The following ABCA1 variants were observed in gnomAD, a reference collection of about 807,000 sequenced individuals.
ABCA1 encodes phospholipid-transporting ATPase ABCA1.
A neutral mutation model predicts 262.5 loss-of-function variants in ABCA1; 133 were observed. That is an observed-to-expected ratio of 0.51 (90% confidence interval 0.44 to 0.59). The LOEUF is 0.59. Ranked by LOEUF, ABCA1 falls within the 20% of genes least tolerant of loss-of-function variation. The probability of loss-of-function intolerance (pLI) is 0.00; values close to 1 mark genes in which losing one functional copy is unlikely to be tolerated. For missense variants in ABCA1, 2,452 were observed against 2,777.5 expected (o/e 0.88, Z 2.63); for synonymous variants, 1,022 against 1,043.5 (o/e 0.98, Z 0.40).
intron 46 of ABCA1, 176 bp downstream of exon 46, chr9:104,787,744 C>G: frequency 1.2e-6 from 1 of 801,556 alleles, no homozygotes; most frequent in Non-Finnish European, 1.5e-6. Context: ...AGGCATGGTA[C>G]AGCCACCCCA....
chr9:104,825,251 T>C (rs147379236), intron 17 of ABCA1, among the ~76,000 whole-genome samples: 17 of 152,260 alleles, frequency 1.1e-4, no homozygotes, highest in African/African-American at 4.1e-4. Context: ...CAGAATTGGG[T>C]GAGCATTGGG....
At chr9:104,851,187 T>C (rs1835343182) in intron 7 of ABCA1, among the ~76,000 whole-genome samples, 1 of 152,184 alleles carries the variant, frequency 6.6e-6, no homozygotes, top group Non-Finnish European at 1.5e-5. Flanking sequence ...TTATATTCTT[T>C]CCATCCTCAT....
At chr9:104,790,536 G>A (rs1328877707) in intron 44 of ABCA1, among the ~76,000 whole-genome samples, 2 of 152,164 alleles carry the variant, frequency 1.3e-5, no homozygotes, top group East Asian at 3.8e-4. Context: ...GATCTCAATT[G>A]TATGGCACAT....
intron 7 of ABCA1, among the ~76,000 whole-genome samples, chr9:104,854,987 T>G (rs970652800): frequency 4.6e-5 from 7 of 152,204 alleles, no homozygotes; most frequent in African/African-American, 1.7e-4. Context: ...TGGAAACTGC[T>G]CTTAACCCCA....
chr9:104,832,904 T>C (rs534849959), intron 11 of ABCA1, 133 bp from the exon 12 acceptor site: 4 of 826,074 alleles, frequency 4.8e-6, no homozygotes, highest in African/African-American at 1.7e-5. Context: ...AATGACAGTG[T>C]CCCTATTTTA....
chr9:104,828,268 AGAGGGCT>A lies in ABCA1; in HGVS notation c.2115+641_2115+647del, dbSNP rs576800968. Among the ~76,000 whole-genome samples the A allele has an allele frequency of 3.8e-3, 578 of 152,284 alleles. 7 individuals carry two copies. Among genetic ancestry groups the A allele is most frequent in the African/African-American group, 0.014 (562 of 41,576 alleles). On this transcript the variant is annotated intron_variant, in intron 15 of 49. Coordinates refer to ENST00000374736, the MANE Select transcript of ABCA1 (RefSeq NM_005502.4). Reference sequence around the variant, plus strand: ...GCAGCCCACATCCAGTGATTGATTGAGAGGGCTGAGGTAGGTGGTGTCAGGAGGGAGG... The same window carrying A: ...GCAGCCCACATCCAGTGATTGATTGAGAGGTAGGTGGTGTCAGGAGGGAGG...
intron 34 of ABCA1, 42 bp from the exon 35 acceptor site, chr9:104,800,626 T>C (rs375223911): frequency 2.9e-5 from 45 of 1,575,814 alleles, no homozygotes; most frequent in Middle Eastern, 3.3e-4. Flanking sequence ...ACTGTTCACA[T>C]AGATAAGGGG....
intron 5 of ABCA1, among the ~76,000 whole-genome samples, chr9:104,876,772 G>C (rs1054261181): frequency 6.6e-6 from 1 of 152,252 alleles, no homozygotes; most frequent in Middle Eastern, 3.4e-3. Context: ...CACCAGAGAG[G>C]GGGCACAGCG....
chr9:104,823,257 T>C (rs138131385), intron 18 of ABCA1, among the ~76,000 whole-genome samples: 1 of 152,356 alleles, frequency 6.6e-6, no homozygotes, highest in African/African-American at 2.4e-5. Flanking sequence ...GAGATATTTC[T>C]GCAGCTTGAC....
At position 104,800,633 on chromosome 9, in the gene ABCA1, G is replaced by C. The variant is rs995983412; in HGVS notation, c.4699-49C>G. The C allele has an allele frequency of 3.9e-6, 6 of 1,549,982 alleles. No individual in the cohort carries two copies. The Admixed American group carries it at 6.7e-5, about 17-fold the overall frequency. On this transcript the variant is annotated intron_variant, in intron 34 of 49. Coordinates refer to ENST00000374736, the MANE Select transcript of ABCA1 (RefSeq NM_005502.4). The stretch of plus-strand genomic sequence containing the variant: ...CAGTTGTGACTGTTCACATAGATAA[G>C]GGGCAACAGTCAATCTGGAACCTGT...
chr9:104,791,746 A>G (rs1829446091), intron 43 of ABCA1, among the ~76,000 whole-genome samples, 190 bp downstream of exon 43: 2 of 152,122 alleles, frequency 1.3e-5, no homozygotes, highest in Non-Finnish European at 2.9e-5. Context: ...CTTAAATTGT[A>G]TTGGATTCTC....
chr9:104,915,787 A>C (rs1174734552), intron 1 of ABCA1, among the ~76,000 whole-genome samples: 1 of 152,158 alleles, frequency 6.6e-6, no homozygotes, highest in Non-Finnish European at 1.5e-5. Flanking sequence ...GTTTTGAAAA[A>C]TTCACACAAT....
chr9:104,791,108 C>T, intron 43 of ABCA1, 80 bp from the exon 44 acceptor site: 1 of 919,980 alleles, frequency 1.1e-6, no homozygotes. Flanking sequence ...CTACCTCAAA[C>T]CTTCAATTCT....
chr9:104,835,050 C>T (rs1217371646), intron 11 of ABCA1, among the ~76,000 whole-genome samples: 1 of 152,058 alleles, frequency 6.6e-6, no homozygotes, highest in African/African-American at 2.4e-5. Flanking sequence ...GGAGTTCATT[C>T]CAGCCCGACC....
At chr9:104,840,251 C>T (rs1320108676) in intron 9 of ABCA1, 28 bp downstream of exon 9, 2 of 1,613,896 alleles carry the variant, frequency 1.2e-6, no homozygotes, top group Non-Finnish European at 8.5e-7. Context: ...GGGTTGGGGA[C>T]AGGGCTGGGG....
intron 1 of ABCA1, among the ~76,000 whole-genome samples, chr9:104,909,294 C>CA (rs1841355582): frequency 6.6e-6 from 1 of 152,176 alleles, no homozygotes; most frequent in African/African-American, 2.4e-5. Context: ...AAAGTTCCTT[C>CA]ATTCATGGGG....
rs140779255 is a variant in ABCA1 at position 104,875,327 on chromosome 9, G to A, written c.421+7712C>T. On this transcript the variant is annotated intron_variant, in intron 5 of 49. Coordinates refer to ENST00000374736, the MANE Select transcript of ABCA1 (RefSeq NM_005502.4). The stretch of plus-strand genomic sequence containing the variant: ...CACTACACTCCATGCACTCCATCCT[G>A]GGCAACAGAGTGAGACTCCATCTCA... Among the ~76,000 whole-genome samples, 1,434 of 148,266 alleles carry A rather than the reference G, an allele frequency of 9.7e-3. 17 individuals carry two copies. The highest frequency in any genetic ancestry group is 0.035 in the African/African-American group (1,390 of 39,424).
Position 104,921,978 on chromosome 9 carries a change from G to C in ABCA1, c.-93+5957C>G, listed in dbSNP as rs139045481. On this transcript the variant is annotated intron_variant, in intron 1 of 49. Coordinates refer to ENST00000374736, the MANE Select transcript of ABCA1 (RefSeq NM_005502.4). ...TTCAACTTAGTGATGGGAAGGAGTGGATCCAGAAGAGCTTCATGAGGAGGG... is the reference window on the plus strand; with the variant it reads ...TTCAACTTAGTGATGGGAAGGAGTGCATCCAGAAGAGCTTCATGAGGAGGG... Among the ~76,000 whole-genome samples, 35 of 152,200 alleles carry C rather than the reference G, an allele frequency of 2.3e-4. No homozygotes were observed. The East Asian group carries it at 6.8e-3, about 29-fold the overall frequency.
In ABCA1 at chr9:104,787,990, T is replaced by G. The variant is rs1829072022; in HGVS notation, c.6134A>C (p.Tyr2045Ser). 6.2e-7 allele frequency: 1 copy of G among 1,614,200 alleles called. No individual in the cohort carries two copies. The change falls in exon 46 of 50, where the codon TAT becomes TCT. Residue 2045 changes from tyrosine (Y) to serine (S), a missense_variant. Physicochemically the swap from Tyr to Ser is moderately radical, Grantham distance 144 (BLOSUM62 -2). Transcript: ENST00000374736. ...GAGCTTGCGTTTGTTGCCTCCACTA[T>G]AGTTACCAGCATATTTTTCTCCATA... ...VKYGEKYAGN[Y>S]SGGNKRKLST... is the part of the protein sequence containing the mutation.
Sources: gnomAD v4.1 joint callset for allele counts (sites outside exome capture counted in the v4.1 genomes callset) on GRCh38, gnomAD v4.1.1 for gene constraint, MANE v1.5 for transcripts, NCBI Gene and HGNC (gene_info 2026-07-23, HGNC 2026-07-21) for gene names.